Variants in PCDHGA11 observed in about 807,000 individuals in gnomAD.
PCDHGA11 encodes protocadherin gamma-A11.
PCDHGA11 carries 39 observed loss-of-function variants against 60.4 expected under a neutral mutation model. The observed-to-expected ratio is 0.65, with a 90% confidence interval of 0.50 to 0.84. The LOEUF is 0.84. PCDHGA11 is among the 40% of genes least tolerant of loss of function. PCDHGA11 has a pLI of 0.00. For missense variants in PCDHGA11, 1,165 were observed against 1,197.7 expected (o/e 0.97, Z 0.40); for synonymous variants, 533 against 510.3 (o/e 1.04, Z -0.60).
At chr5:141,478,598 A>C in intron 1 of PCDHGA11, 1 of 1,566,350 alleles carries the variant, frequency 6.4e-7, no homozygotes, top group South Asian at 1.2e-5. Flanking sequence ...TTATTCCTAC[A>C]TCATATTGAG....
intron 1 of PCDHGA11, chr5:141,427,891 G>A (rs767506033): frequency 1.3e-6 from 2 of 1,566,658 alleles, no homozygotes; most frequent in South Asian, 2.2e-5. Context: ...CACGACCAGG[G>A]CTCGCCCGCG....
Position 141,422,459 on chromosome 5 carries a change from T to C in PCDHGA11, c.1232T>C (p.Leu411Pro), listed in dbSNP as rs1368153179. Reference protein sequence around the residue: ...NYYKLITSRVLDRELVQSYNI... With the variant: ...NYYKLITSRVPDRELVQSYNI... ...TACAAATTGATAACAAGCAGAGTGC[T>C]GGACAGGGAGTTGGTCCAGAGCTAC... Residue 411 changes from leucine to proline, a missense_variant, in exon 1 of 4, where the codon CTG (leucine) becomes CCG (proline). Transcript: ENST00000398587. The C allele has an allele frequency of 6.2e-7, 1 of 1,613,448 alleles. No homozygotes were observed. Among genetic ancestry groups the C allele is most frequent in the South Asian group, 1.1e-5 (1 of 90,956 alleles).
chr5:141,421,461 G>C lies in PCDHGA11; in HGVS notation c.234G>C (p.Val78=), dbSNP rs1216014695. Residue 78 remains valine, a synonymous_variant, in exon 1 of 4, where the codon GTG becomes GTC. Coordinates refer to ENST00000398587, the MANE Select transcript of PCDHGA11 (RefSeq NM_018914.3). The stretch of plus-strand genomic sequence containing the variant: ...GAGGGAAGACACAGCTTTTCGCTGT[G>C]AATCCGCGAAGCGGCAGCTTGATCA... ...VSRGKTQLFA[V]NPRSGSLITA... is the part of the protein sequence containing the mutation. The C allele has an allele frequency of 1.2e-6, 2 of 1,614,034 alleles. No homozygotes were observed. Among genetic ancestry groups the C allele is most frequent in the Non-Finnish European group, 8.5e-7 (1 of 1,179,962 alleles).
In PCDHGA11 at chr5:141,502,866, C is replaced by CT. The variant is rs549047197; in HGVS notation, c.2493-2513dup. ...GAGCTGCCTAACCCTGACTCTCTGT[C>CT]TTTTTTTTTTTTTTGACAGGGAGTC... On this transcript the variant is annotated intron_variant, in intron 2 of 3. Transcript: ENST00000398587. Among the ~76,000 whole-genome samples, 1,216 of 127,988 alleles carry CT rather than the reference C, an allele frequency of 9.5e-3. 34 individuals are homozygous for CT. Among genetic ancestry groups the CT allele is most frequent in the Non-Finnish European group, 0.015 (955 of 62,394 alleles). The allele number at this position is 127,988 out of a possible 152,430, so 84.0% of individuals were successfully genotyped here.
intron 1 of PCDHGA11, among the ~76,000 whole-genome samples, chr5:141,459,880 C>G (rs1240703946): frequency 6.6e-6 from 1 of 152,134 alleles, no homozygotes; most frequent in Non-Finnish European, 1.5e-5. Context: ...TTTAACTGAG[C>G]TGAACGCCTT....
chr5:141,500,484 C>T (rs2099800696), intron 2 of PCDHGA11, among the ~76,000 whole-genome samples: 1 of 152,304 alleles, frequency 6.6e-6, no homozygotes, highest in Non-Finnish European at 1.5e-5. Context: ...GCTGGGATTA[C>T]AGGCGTGAGC....
At chr5:141,478,845 A>G in intron 1 of PCDHGA11, 2 of 1,389,784 alleles carry the variant, frequency 1.4e-6, no homozygotes, top group Non-Finnish European at 9.5e-7. Flanking sequence ...TGGTTAAGCT[A>G]AAACACAAGA....
At chr5:141,472,017 T>C (rs2154571143) in intron 1 of PCDHGA11, among the ~76,000 whole-genome samples, 1 of 152,290 alleles carries the variant, frequency 6.6e-6, no homozygotes, top group South Asian at 2.1e-4. Context: ...GGGCACTATA[T>C]TGTATGTAGA....
Position 141,477,535 on chromosome 5 carries a change from G to A in PCDHGA11, c.2434-17272G>A, listed in dbSNP as rs2099412713. ...ACATTGAAGAAAACAACCTCCCCGG[G>A]GCTCCAATACTAAACCTAAGTGTCT... On this transcript the variant is annotated intron_variant, in intron 1 of 3. Transcript: ENST00000398587. The surrounding 1 kb of genome is among the most constrained non-coding windows in gnomAD (Gnocchi z 4.9). 1.2e-6 allele frequency: 2 copies of A among 1,613,936 alleles called. No homozygotes were observed. The highest frequency in any genetic ancestry group is 2.7e-5 in the African/African-American group (2 of 74,866).
At chr5:141,492,163 C>T (rs921256341) in intron 1 of PCDHGA11, among the ~76,000 whole-genome samples, 22 of 152,232 alleles carry the variant, frequency 1.4e-4, no homozygotes, top group African/African-American at 5.3e-4. Context: ...CCTCCCTATC[C>T]CCGCATCACC....
intron 2 of PCDHGA11, among the ~76,000 whole-genome samples, chr5:141,500,311 C>T (rs2099799036): frequency 2.0e-5 from 3 of 152,072 alleles, no homozygotes; most frequent in African/African-American, 7.2e-5. Context: ...CAGGTTCACG[C>T]CATGCTCCTG....
At chr5:141,463,265 A>G (rs2099055701) in intron 1 of PCDHGA11, among the ~76,000 whole-genome samples, 1 of 151,998 alleles carries the variant, frequency 6.6e-6, no homozygotes, top group African/African-American at 2.4e-5. Flanking sequence ...ACTCTATCCC[A>G]TAAATTCTGG....
intron 1 of PCDHGA11, among the ~76,000 whole-genome samples, chr5:141,449,229 A>G (rs1356585763): frequency 1.3e-5 from 2 of 152,142 alleles, no homozygotes; most frequent in South Asian, 2.1e-4. Context: ...AATGATTTCA[A>G]ATTTTCAAAG....
chr5:141,468,899 T>C (rs1051519139), intron 1 of PCDHGA11, among the ~76,000 whole-genome samples: 2 of 151,550 alleles, frequency 1.3e-5, no homozygotes, highest in Non-Finnish European at 2.9e-5. Flanking sequence ...GGTACTAATA[T>C]GATCCAGACT....
chr5:141,433,987 T>C (rs1332689630), intron 1 of PCDHGA11, among the ~76,000 whole-genome samples: 1 of 152,252 alleles, frequency 6.6e-6, no homozygotes, highest in Non-Finnish European at 1.5e-5. Context: ...GAAGAAGAGT[T>C]TTATATTCTC....
At position 141,510,842 on chromosome 5, in the gene PCDHGA11, G is replaced by A. The variant is rs531098325; in HGVS notation, c.2582-105G>A. 8.7e-5 allele frequency: 138 copies of A among 1,590,280 alleles called. No homozygotes were observed. The African/African-American group carries it at 1.7e-3, about 19-fold the overall frequency. ...TATTCCCAGTGCTCAGCGTGGTCAA[G>A]GCCCAGGGTGCTGTATAGGCATTCA... On this transcript the variant is annotated intron_variant, in intron 3 of 3. Coordinates refer to ENST00000398587, the MANE Select transcript of PCDHGA11 (RefSeq NM_018914.3).
intron 1 of PCDHGA11, among the ~76,000 whole-genome samples, chr5:141,447,749 T>G (rs1462661604): frequency 6.6e-6 from 1 of 152,196 alleles, no homozygotes; most frequent in Non-Finnish European, 1.5e-5. Context: ...GAGTCTTGCA[T>G]GTGACTGTAT....
intron 1 of PCDHGA11, among the ~76,000 whole-genome samples, chr5:141,447,413 C>T (rs1279399546): frequency 6.6e-6 from 1 of 152,204 alleles, no homozygotes; most frequent in Non-Finnish European, 1.5e-5. Flanking sequence ...GCTGGGATTA[C>T]AGGCGTGAGC....
At position 141,477,532 on chromosome 5, in the gene PCDHGA11, CG is replaced by C; in HGVS notation, c.2434-17271del. 6.2e-7 allele frequency: 1 copy of C among 1,614,146 alleles called. No individual in the cohort carries two copies. The highest frequency in any genetic ancestry group is 8.5e-7 in the Non-Finnish European group (1 of 1,180,028). Reference sequence around the variant, plus strand: ...TTTACATTGAAGAAAACAACCTCCCCGGGGCTCCAATACTAAACCTAAGTGT... The same window carrying C: ...TTTACATTGAAGAAAACAACCTCCCCGGGCTCCAATACTAAACCTAAGTGT... On this transcript the variant is annotated intron_variant, in intron 1 of 3. Transcript: ENST00000398587. This position sits in a 1 kb window ranked among gnomAD's most constrained non-coding sequence, Gnocchi z 4.9.
Sources: allele counts gnomAD v4.1 joint callset (sites outside exome capture counted in the v4.1 genomes callset), GRCh38; gene constraint gnomAD v4.1.1; non-coding constraint Gnocchi (gnomAD v3.1); transcripts MANE v1.5; gene names NCBI Gene and HGNC (gene_info 2026-07-23, HGNC 2026-07-21).